The following GIGYF2 variants were observed in gnomAD, a reference collection of about 807,000 sequenced individuals.
GIGYF2 encodes the protein GRB10 interacting GYF protein 2, also known as GRB10-interacting GYF protein 2.
Under a neutral mutation model 208.1 loss-of-function variants are expected in GIGYF2, and 25 were observed. The ratio of observed to expected loss-of-function variants is 0.12; its 90% confidence interval spans 0.09 to 0.17. The LOEUF is 0.17. GIGYF2 is among the 10% of genes least tolerant of loss of function. The probability of loss-of-function intolerance (pLI) is 1.00; values close to 1 mark genes in which losing one functional copy is unlikely to be tolerated. For missense variants in GIGYF2, 1,302 were observed against 1,579.4 expected (o/e 0.82, Z 2.98); for synonymous variants, 534 against 543.8 (o/e 0.98, Z 0.25).
Position 232,699,448 on chromosome 2 carries a change from A to T in GIGYF2, c.-110+2056A>T, listed in dbSNP as rs750148227. 4.1e-4 allele frequency among the ~76,000 whole-genome samples: 62 copies of T among 152,218 alleles called. 2 individuals carry two copies. Among genetic ancestry groups the T allele is most frequent in the Non-Finnish European group, 8.8e-5 (6 of 68,046 alleles). On this transcript the variant is annotated intron_variant, in intron 1 of 28. Transcript: ENST00000373563. ...CTTGTGATTCTTGGAAAGGGAAATC[A>T]GATTCTGGAAATTTGGGCCAGCAGC...
At chr2:232,723,055 C>G (rs563823798) in intron 2 of GIGYF2, among the ~76,000 whole-genome samples, 3 of 152,172 alleles carry the variant, frequency 2.0e-5, no homozygotes, top group Non-Finnish European at 4.4e-5. Context: ...CTCCTGGGCT[C>G]AAGCAATCTG....
rs1698731558 is a variant in GIGYF2 at position 232,761,265 on chromosome 2, A to G, written c.492-131A>G. The G allele has an allele frequency of 1.2e-5, 8 of 654,006 alleles. No homozygotes were observed. The South Asian group carries it at 1.4e-4, about 11-fold the overall frequency. 40.5% of individuals were successfully genotyped at this position (654,006 alleles called of 1,614,324 possible). A position where few individuals can be genotyped will look rare whatever the true frequency, so the allele number is the denominator to read the frequency against. On this transcript the variant is annotated intron_variant, in intron 7 of 28. Transcript: ENST00000373563. Reference sequence around the variant, plus strand: ...TTTCTATATTTTCGAAATATTAGGCAATAACTATGTATTTATTTGTTTTGT... The same window carrying G: ...TTTCTATATTTTCGAAATATTAGGCGATAACTATGTATTTATTTGTTTTGT...
rs558724279 is a variant in GIGYF2 at position 232,717,696 on chromosome 2, G to C, written c.-44+14207G>C. On this transcript the variant is annotated intron_variant, in intron 2 of 28. Transcript: ENST00000373563. ...GCTTCAGGCTGCTTACACTCATAGT[G>C]GAAAGCAAAGGGGAGCCAGTGTGTG... 3.9e-5 allele frequency among the ~76,000 whole-genome samples: 6 copies of C among 152,082 alleles called. No homozygotes were observed. The South Asian group carries it at 1.0e-3, about 26-fold the overall frequency.
In GIGYF2 at chr2:232,790,790, C is replaced by T. The variant is rs1190782134; in HGVS notation, c.805C>T (p.Arg269Ter). The T allele has an allele frequency of 6.2e-7, 1 of 1,613,854 alleles. No individual in the cohort carries two copies. The highest frequency in any genetic ancestry group is 8.5e-7 in the Non-Finnish European group (1 of 1,179,962). ...AGATAGAGATGATGAACGGGGTTAC[C>T]GAAGGGTTCGCTCTGGCAGTGGGAG... is the stretch of plus-strand genomic sequence containing the variant. The part of the protein sequence containing the change: ...FRDRDDERGY[R>*]RVRSGSGSID... Residue 269 changes from arginine (R) to a stop codon, truncating the protein, a stop_gained, in exon 10 of 29, where the codon CGA becomes TGA. Coordinates refer to ENST00000373563, the MANE Select transcript of GIGYF2 (RefSeq NM_001103146.3). LOFTEE classifies it high-confidence loss of function.
intron 20 of GIGYF2, among the ~76,000 whole-genome samples, chr2:232,818,987 C>A (rs1266059719): frequency 6.7e-6 from 1 of 150,008 alleles, no homozygotes; most frequent in African/African-American, 2.5e-5. Context: ...TTTTCTTTTT[C>A]TTTTTTTGTT....
chr2:232,724,044 A>G (rs1697073204), intron 2 of GIGYF2, among the ~76,000 whole-genome samples: 1 of 148,484 alleles, frequency 6.7e-6, no homozygotes, highest in Non-Finnish European at 1.5e-5. Flanking sequence ...TTCCACAGCT[A>G]AGATTCTTAT....
chr2:232,770,037 A>G (rs1293912785), intron 8 of GIGYF2, among the ~76,000 whole-genome samples: 1 of 152,158 alleles, frequency 6.6e-6, no homozygotes, highest in Non-Finnish European at 1.5e-5. Context: ...GCCAAGAGAT[A>G]CAAGTTTTTC....
chr2:232,781,285 A>AGTAC (rs1699711361), intron 8 of GIGYF2, among the ~76,000 whole-genome samples: 1 of 64,854 alleles, frequency 1.5e-5, no homozygotes, highest in African/African-American at 8.5e-5. Flanking sequence ...TTATATCAGG[A>AGTAC]ATACACACAC....
At chr2:232,754,010 A>C (rs1698432678) in intron 5 of GIGYF2, among the ~76,000 whole-genome samples, 1 of 151,978 alleles carries the variant, frequency 6.6e-6, no homozygotes, top group South Asian at 2.1e-4. Context: ...CTAAAAATAG[A>C]AAAAATTAGC....
In GIGYF2 at chr2:232,768,779, AT is replaced by A. The variant is rs1699091441; in HGVS notation, c.532+7349del. ...CAGTAAAGCGAATTGAAAAAGCTCG[AT>A]TTTTTGGCCGGGCAATCTTCGCCAC... On this transcript the variant is annotated intron_variant, in intron 8 of 28. Transcript: ENST00000373563. 6.2e-7 allele frequency: 1 copy of A among 1,601,396 alleles called. No individual in the cohort carries two copies. The highest frequency in any genetic ancestry group is 8.5e-7 in the Non-Finnish European group (1 of 1,170,986).
chr2:232,823,645 G>C (rs909890257), intron 21 of GIGYF2, among the ~76,000 whole-genome samples: 6 of 152,004 alleles, frequency 3.9e-5, no homozygotes, highest in Non-Finnish European at 7.4e-5. Context: ...GTGAGCCACC[G>C]CAACCTGACC....
chr2:232,747,869 G>GT (rs1698203112), intron 4 of GIGYF2, 125 bp downstream of exon 4: 1 of 899,284 alleles, frequency 1.1e-6, no homozygotes, highest in Admixed American at 2.0e-5. Context: ...CACCTTAACT[G>GT]TTTCCCTGCT....
chr2:232,795,267 G>C (rs577920555), intron 13 of GIGYF2, among the ~76,000 whole-genome samples: 1 of 152,212 alleles, frequency 6.6e-6, no homozygotes, highest in Admixed American at 6.5e-5. Flanking sequence ...TGTATCTTTT[G>C]TATTTTTTGC....
intron 16 of GIGYF2, chr2:232,810,834 T>G (rs921308910): frequency 5.0e-6 from 1 of 199,156 alleles, no homozygotes; most frequent in Non-Finnish European, 1.0e-5. Context: ...TTTATAGAAG[T>G]GTTACATTTT....
At chr2:232,721,681 T>A (rs1696948864) in intron 2 of GIGYF2, among the ~76,000 whole-genome samples, 1 of 152,228 alleles carries the variant, frequency 6.6e-6, no homozygotes, top group Admixed American at 6.5e-5. Context: ...TCTCTATCTT[T>A]GTGCAAAACT....
At chr2:232,739,009 A>G (rs1286222275) in intron 3 of GIGYF2, among the ~76,000 whole-genome samples, 1 of 152,204 alleles carries the variant, frequency 6.6e-6, no homozygotes, top group Non-Finnish European at 1.5e-5. Flanking sequence ...CATTAACAAA[A>G]TAAACACACT....
intron 3 of GIGYF2, among the ~76,000 whole-genome samples, chr2:232,739,368 C>CG (rs966653844): frequency 2.9e-5 from 4 of 135,840 alleles, no homozygotes; most frequent in East Asian, 2.2e-4. Context: ...CAAACCCCCC[C>CG]CCCCCCGCAA....
rs1700554677 is a variant in GIGYF2, at chr2:232,806,156, G to A, written c.1640-335G>A. Among the ~76,000 whole-genome samples, 4 of 152,004 alleles carry A rather than the reference G, an allele frequency of 2.6e-5. No individual in the cohort carries two copies. The highest frequency in any genetic ancestry group is 2.1e-4 in the South Asian group (1 of 4,826). The stretch of plus-strand genomic sequence containing the variant: ...AGCCCTGCATGTTTATATTCTTTAC[G>A]CCTAAATGATACAAAGTCTAGTAAA... On this transcript the variant is annotated intron_variant, in intron 14 of 28. Coordinates refer to ENST00000373563, the MANE Select transcript of GIGYF2 (RefSeq NM_001103146.3). This position sits in a 1 kb window ranked among gnomAD's most constrained non-coding sequence, Gnocchi z 4.0.
intron 22 of GIGYF2, among the ~76,000 whole-genome samples, chr2:232,839,310 C>T (rs1701744420): frequency 6.6e-6 from 1 of 152,174 alleles, no homozygotes; most frequent in South Asian, 2.1e-4. Context: ...CAGCTTAATG[C>T]TCATGACTAG....
Sources: gnomAD v4.1 joint callset for allele counts (sites outside exome capture counted in the v4.1 genomes callset) on GRCh38, gnomAD v4.1.1 for gene constraint, Gnocchi (gnomAD v3.1) non-coding constraint, MANE v1.5 for transcripts, NCBI Gene and HGNC (gene_info 2026-07-23, HGNC 2026-07-21) for gene names.